The following CCDC91 variants were observed in gnomAD, a reference collection of about 807,000 sequenced individuals.
CCDC91 encodes coiled-coil domain containing 91.
In CCDC91, 48 loss-of-function variants were observed where a neutral mutation model predicts 63.2. The ratio of observed to expected loss-of-function variants is 0.76; its 90% CI spans 0.60 to 0.97. CCDC91 has a LOEUF of 0.97. Among genes scored for constraint, CCDC91 ranks in the 50% least tolerant of loss-of-function variants. CCDC91 has a pLI of 0.00. For synonymous variants in CCDC91, 167 were observed against 165.8 expected (o/e 1.01, Z -0.06); for missense variants, 500 against 494.6 (o/e 1.01, Z -0.10).
At chr12:28,230,188 T>A (rs1944500817) in intron 1 of CCDC91, among the ~76,000 whole-genome samples, 1 of 152,210 alleles carries the variant, frequency 6.6e-6, no homozygotes, top group African/African-American at 2.4e-5. Flanking sequence ...GGTCATTCTG[T>A]ACTTCATTGC....
At chr12:28,495,746 T>G (rs1332208812) in intron 12 of CCDC91, among the ~76,000 whole-genome samples, 1 of 151,698 alleles carries the variant, frequency 6.6e-6, no homozygotes, top group East Asian at 1.9e-4. Context: ...ACTAATTTTG[T>G]TTTTGAATTC....
chr12:28,396,789 G>C (rs1307338191), intron 8 of CCDC91, among the ~76,000 whole-genome samples: 2 of 151,712 alleles, frequency 1.3e-5, no homozygotes, highest in Non-Finnish European at 2.9e-5. Flanking sequence ...TTTTGGTTTT[G>C]GCAATTCACT....
At position 28,450,394 on chromosome 12, in the gene CCDC91, A is replaced by G. The variant is rs1565993665; in HGVS notation, c.900A>G (p.Lys300=). The G allele has an allele frequency of 6.2e-7, 1 of 1,612,162 alleles. No homozygotes were observed. The highest frequency in any genetic ancestry group is 8.5e-7 in the Non-Finnish European group (1 of 1,178,508). Reference sequence around the variant, plus strand: ...TGGAGGAAGAAAGGCAAAGAAATAAAGAGGCATTAGTATCCGCTGCAAAGG... The same window carrying G: ...TGGAGGAAGAAAGGCAAAGAAATAAGGAGGCATTAGTATCCGCTGCAAAGG... The part of the protein sequence containing the change: ...KCLEEERQRN[K]EALVSAAKLE... The change falls in exon 10 of 13, where the codon AAA becomes AAG. Residue 300 remains lysine, a synonymous_variant. Transcript: ENST00000536442.
intron 3 of CCDC91, among the ~76,000 whole-genome samples, chr12:28,289,575 G>T (rs57422527): frequency 4.7e-4 from 71 of 151,492 alleles, no homozygotes; most frequent in African/African-American, 1.7e-3. Flanking sequence ...TTTTGCATTT[G>T]TTGAGGAGCA....
At chr12:28,234,723 ACTTGTAG>A (rs1009071366) in intron 1 of CCDC91, among the ~76,000 whole-genome samples, 70 of 152,152 alleles carry the variant, frequency 4.6e-4, no homozygotes, top group African/African-American at 1.7e-3. Context: ...AATGCAAAGA[ACTTGTAG>A]CATGGATAGT....
chr12:28,194,536 G>A (rs775830619), intron 1 of CCDC91, among the ~76,000 whole-genome samples: 1 of 152,216 alleles, frequency 6.6e-6, no homozygotes, highest in Non-Finnish European at 1.5e-5. Context: ...GACCTTTGCA[G>A]TGAGTGATAC....
chr12:28,460,167 GTCTTGGGACCATA>G (rs1739719465), intron 11 of CCDC91, among the ~76,000 whole-genome samples: 1 of 152,084 alleles, frequency 6.6e-6, no homozygotes, highest in African/African-American at 2.4e-5. Flanking sequence ...GTTAGTAATT[GTCTTGGGACCATA>G]TATGTAGAGC....
intron 12 of CCDC91, among the ~76,000 whole-genome samples, chr12:28,518,575 G>A (rs1264820512): frequency 6.6e-6 from 1 of 152,060 alleles, no homozygotes; most frequent in Non-Finnish European, 1.5e-5. Context: ...TGTATAGATT[G>A]TGAAGATTTT....
chr12:28,206,800 A>G (rs560712210), intron 1 of CCDC91, among the ~76,000 whole-genome samples: 14 of 152,230 alleles, frequency 9.2e-5, no homozygotes, highest in Non-Finnish European at 1.6e-4. Flanking sequence ...TATAAAGCCT[A>G]TCATGCTATA....
At chr12:28,442,800 G>C (rs1249432459) in intron 8 of CCDC91, among the ~76,000 whole-genome samples, 1 of 151,974 alleles carries the variant, frequency 6.6e-6, no homozygotes, top group Non-Finnish European at 1.5e-5. Context: ...TTTTACAAGG[G>C]AACAAGGTTT....
chr12:28,313,355 G>C (rs568124765), intron 6 of CCDC91, among the ~76,000 whole-genome samples: 1 of 151,818 alleles, frequency 6.6e-6, no homozygotes, highest in Non-Finnish European at 1.5e-5. Context: ...GGAAAATGTG[G>C]ACAATATAGA....
rs190473851 is a variant in CCDC91 at position 28,265,010 on chromosome 12, T to C, written c.109+5568T>C. On this transcript the variant is annotated intron_variant, in intron 3 of 12. Transcript: ENST00000536442. ...TAATATTGGCAAACACTTTCATCAG[T>C]AACTTTAAGTTCAAATCTTTGATAG... Among the ~76,000 whole-genome samples the C allele has an allele frequency of 1.2e-3, 184 of 152,176 alleles. 3 individuals are homozygous for C. The highest frequency in any genetic ancestry group is 1.9e-3 in the Non-Finnish European group (130 of 67,972).
intron 7 of CCDC91, among the ~76,000 whole-genome samples, chr12:28,385,982 G>A (rs1208831744): frequency 6.6e-6 from 1 of 152,140 alleles, no homozygotes; most frequent in Non-Finnish European, 1.5e-5. Context: ...TTTTCTATGA[G>A]TTTATAATAT....
chr12:28,303,511 CT>C (rs1337837647), intron 3 of CCDC91, among the ~76,000 whole-genome samples: 1 of 152,100 alleles, frequency 6.6e-6, no homozygotes, highest in Non-Finnish European at 1.5e-5. Flanking sequence ...GACATCTTAT[CT>C]TATGCCTATA....
intron 3 of CCDC91, chr12:28,302,504 A>C (rs1219754292): frequency 2.9e-6 from 1 of 340,912 alleles, no homozygotes; most frequent in Non-Finnish European, 4.2e-6. Context: ...TAATTTGCCT[A>C]AGGCTGCATA....
chr12:28,528,495 G>A (rs1034388458), intron 12 of CCDC91, among the ~76,000 whole-genome samples: 9 of 152,168 alleles, frequency 5.9e-5, no homozygotes, highest in Non-Finnish European at 1.0e-4. Flanking sequence ...CCCAGGTCCT[G>A]CAGGAGCAAT....
At chr12:28,441,890 G>A (rs1473630565) in intron 8 of CCDC91, among the ~76,000 whole-genome samples, 2 of 151,842 alleles carry the variant, frequency 1.3e-5, no homozygotes, top group African/African-American at 4.8e-5. Context: ...ACAGCTAAGT[G>A]CATAGCTAAG....
intron 12 of CCDC91, among the ~76,000 whole-genome samples, chr12:28,501,604 T>A (rs1448234458): frequency 2.7e-5 from 4 of 150,782 alleles, no homozygotes; most frequent in Non-Finnish European, 4.5e-5. Flanking sequence ...CTGGATTCAG[T>A]TTGCCAGTAT....
At chr12:28,440,796 C>T (rs766775021) in intron 8 of CCDC91, among the ~76,000 whole-genome samples, 3 of 151,850 alleles carry the variant, frequency 2.0e-5, no homozygotes, top group Admixed American at 6.6e-5. Context: ...CAGTGGCTCA[C>T]GCCTGTAATC....
Sources: gnomAD v4.1 joint callset for allele counts (sites outside exome capture counted in the v4.1 genomes callset) on GRCh38, gnomAD v4.1.1 for gene constraint, MANE v1.5 for transcripts, NCBI Gene and HGNC (gene_info 2026-07-23, HGNC 2026-07-21) for gene names.